Variants in TRIP11 observed in about 807,000 individuals in gnomAD.
TRIP11 encodes thyroid receptor-interacting protein 11.
Under a neutral mutation model 223.1 loss-of-function variants are expected in TRIP11, and 148 were observed. That is an observed-to-expected ratio of 0.66 (90% CI 0.58 to 0.76). The LOEUF (loss-of-function observed/expected upper bound fraction) is 0.76. Among genes scored for constraint, TRIP11 ranks in the 30% least tolerant of loss-of-function variants. The probability of loss-of-function intolerance (pLI) is 0.00; values close to 1 mark genes in which losing one functional copy is unlikely to be tolerated. For synonymous variants in TRIP11, 762 were observed against 772.6 expected, an observed-to-expected ratio of 0.99 and a Z score of 0.23; for missense variants, 2,043 against 2,222.0, an observed-to-expected ratio of 0.92 and a Z score of 1.62.
In TRIP11 at chr14:91,972,746, C is replaced by G; in HGVS notation, c.5690G>C (p.Arg1897Thr). The change falls in exon 20 of 21, where the codon AGA becomes ACA. Residue 1897 changes from arginine (R) to threonine (T), a missense_variant. Arg to Thr is a moderately conservative substitution (Grantham distance 71). Coordinates refer to ENST00000267622, the MANE Select transcript of TRIP11 (RefSeq NM_004239.4). ...AAAACTTTCTGGTGCATTTGTATCTCTTTTTCTTCTTCCTGGTGAATCCAG... is the reference window on the plus strand; with the variant it reads ...AAAACTTTCTGGTGCATTTGTATCTGTTTTTCTTCTTCCTGGTGAATCCAG... Reference protein sequence around the residue: ...KPLDSPGRRKRDTNAPESFKD... With the variant: ...KPLDSPGRRKTDTNAPESFKD... The G allele has an allele frequency of 6.2e-7, 1 of 1,611,958 alleles. No individual in the cohort carries two copies. The highest frequency in any genetic ancestry group is 1.3e-5 in the African/African-American group (1 of 74,998).
intron 9 of TRIP11, among the ~76,000 whole-genome samples, chr14:92,008,658 CATTGACAG>C (rs1463578917): frequency 6.6e-6 from 1 of 152,140 alleles, no homozygotes; most frequent in African/African-American, 2.4e-5. Flanking sequence ...AGCCTTCTTT[CATTGACAG>C]ATTTTTAAAA....
chr14:92,011,932 A>G, intron 7 of TRIP11, 137 bp from the exon 8 acceptor site: 1 of 707,986 alleles, frequency 1.4e-6, no homozygotes, highest in Non-Finnish European at 2.4e-6. Flanking sequence ...TGAGTGAAAC[A>G]TATATTTGTA....
At position 92,003,644 on chromosome 14, in the gene TRIP11, TAC is replaced by T; in HGVS notation, c.4330_4331del (p.Val1444AsnfsTer22). On this transcript the variant is annotated frameshift_variant, in exon 11 of 21. Coordinates refer to ENST00000267622, the MANE Select transcript of TRIP11 (RefSeq NM_004239.4). LOFTEE classifies it high-confidence loss of function. ...TTAATATTCTCTCCTTCAGGTTTGTTACTGCCTGCCTCAAAAGTTCGTTTTCA... is the reference window on the plus strand; with the variant it reads ...TTAATATTCTCTCCTTCAGGTTTGTTTGCCTGCCTCAAAAGTTCGTTTTCA... The part of the protein sequence containing the change: ...VNENELLRQA[V>X]TNLKERILIL... 1 of 1,614,218 alleles carries T rather than the reference TAC, an allele frequency of 6.2e-7. No homozygotes were observed. The highest frequency in any genetic ancestry group is 8.5e-7 in the Non-Finnish European group (1 of 1,180,036).
intron 13 of TRIP11, 27 bp downstream of exon 13, chr14:91,999,213 G>A: frequency 6.2e-7 from 1 of 1,608,682 alleles, no homozygotes; most frequent in Non-Finnish European, 8.5e-7. Context: ...TTCAGTTAAA[G>A]TTAATGCAAA....
Position 92,005,397 on chromosome 14 carries a change from T to C in TRIP11, c.2579A>G (p.Glu860Gly). ...TTCTTCTTGCAGATGATTATTTTCC[T>C]CTTTCATGGATCCAAGACTTCGGTC... ...EKDRSLGSMK[E>G]ENNHLQEELE... is the part of the protein sequence containing the mutation. The change falls in exon 11 of 21, where the codon GAG (glutamate) becomes GGG (glycine). Residue 860 changes from glutamate to glycine, a missense_variant. Coordinates refer to ENST00000267622, the MANE Select transcript of TRIP11 (RefSeq NM_004239.4). 1 of 1,614,196 alleles carries C rather than the reference T, an allele frequency of 6.2e-7. No individual in the cohort carries two copies. The highest frequency in any genetic ancestry group is 8.5e-7 in the Non-Finnish European group (1 of 1,180,038).
At chr14:91,999,186 C>G (rs751565284) in intron 13 of TRIP11, 54 bp downstream of exon 13, 18 of 1,567,964 alleles carry the variant, frequency 1.1e-5, no homozygotes, top group Non-Finnish European at 1.5e-5. Context: ...CTTACTGAGT[C>G]TGATATTTAA....
chr14:91,998,296 T>C (rs1339075461), intron 13 of TRIP11, among the ~76,000 whole-genome samples: 1 of 152,170 alleles, frequency 6.6e-6, no homozygotes, highest in Non-Finnish European at 1.5e-5. Context: ...AGAAGTTCCG[T>C]TTCTCAAAAC....
intron 15 of TRIP11, among the ~76,000 whole-genome samples, chr14:91,989,881 C>T (rs538310562): frequency 7.2e-5 from 11 of 152,230 alleles, no homozygotes; most frequent in Middle Eastern, 3.4e-3. Flanking sequence ...CCGCAGGTTC[C>T]GCCTATGCCT....
In TRIP11 at chr14:91,968,616, T is replaced by C. The variant is rs1291570466; in HGVS notation, c.*1057A>G. The C allele has an allele frequency of 1.4e-5, 3 of 221,146 alleles. No homozygotes were observed. Among genetic ancestry groups the C allele is most frequent in the African/African-American group, 2.2e-5 (1 of 44,572 alleles). 13.7% of individuals were successfully genotyped at this position (221,146 alleles called of 1,614,324 possible). ...TGTAACATTTAGTTTTAAGATGGTA[T>C]CTTTAAATAGATACCTTAGCTGTTA... On this transcript the variant is annotated 3_prime_UTR_variant, in exon 21 of 21. Coordinates refer to ENST00000267622, the MANE Select transcript of TRIP11 (RefSeq NM_004239.4).
intron 16 of TRIP11, among the ~76,000 whole-genome samples, chr14:91,987,178 C>T (rs892614552): frequency 6.6e-6 from 1 of 152,062 alleles, no homozygotes; most frequent in Non-Finnish European, 1.5e-5. Flanking sequence ...ATTTTCAGGC[C>T]CTCTACTAGA....
Position 92,017,883 on chromosome 14 carries a change from T to C in TRIP11, c.589-133A>G, listed in dbSNP as rs11849778. 0.25 allele frequency: 177,440 copies of C among 719,390 alleles called. 22,983 individuals carry two copies. Among genetic ancestry groups the C allele is most frequent in the East Asian group, 0.38 (13,888 of 36,518 alleles). 44.6% of individuals were successfully genotyped at this position (719,390 alleles called of 1,614,324 possible). A position where few individuals can be genotyped will look rare whatever the true frequency, so the allele number is the denominator to read the frequency against. ...CACAGATTCCGACTAAAGAATGCCA[T>C]GGACCTTTTAAAGAACCTAGTCTAA... On this transcript the variant is annotated intron_variant, in intron 4 of 20. Transcript: ENST00000267622.
chr14:91,993,913 C>T lies in TRIP11; in HGVS notation c.5057-1G>A. On this transcript the variant is annotated splice_acceptor_variant, in intron 14 of 20. Coordinates refer to ENST00000267622, the MANE Select transcript of TRIP11 (RefSeq NM_004239.4). LOFTEE classifies it high-confidence loss of function. ...TCAGCAGAATACATAGCTTTTTCCT[C>T]TAAAGAGAAAAGAAAGTTAACATTA... The T allele has an allele frequency of 1.2e-6, 2 of 1,609,612 alleles. No homozygotes were observed. Among genetic ancestry groups the T allele is most frequent in the Non-Finnish European group, 1.7e-6 (2 of 1,176,952 alleles).
Position 91,981,010 on chromosome 14 carries a change from A to AT in TRIP11, c.5261-4822dup, listed in dbSNP as rs1444189118. Among the ~76,000 whole-genome samples the AT allele has an allele frequency of 1.3e-3, 70 of 55,828 alleles. 2 individuals are homozygous for AT. The highest frequency in any genetic ancestry group is 3.5e-3 in the African/African-American group (52 of 14,770). The allele number at this position is 55,828 out of a possible 152,430, so 36.6% of individuals were successfully genotyped here. ...GTATATTATATATATATATATATAT[A>AT]TATTTTTTTTTTTTTTTTTTTTTTT... On this transcript the variant is annotated intron_variant, in intron 16 of 20. Coordinates refer to ENST00000267622, the MANE Select transcript of TRIP11 (RefSeq NM_004239.4).
chr14:91,971,891 TTTA>T (rs1410142952), intron 20 of TRIP11, among the ~76,000 whole-genome samples: 1 of 152,214 alleles, frequency 6.6e-6, no homozygotes, highest in East Asian at 1.9e-4. Context: ...ATATAAATTC[TTTA>T]TTATTTTATC....
chr14:92,003,958 C>T lies in TRIP11; in HGVS notation c.4018G>A (p.Glu1340Lys), dbSNP rs754076117. Residue 1340 changes from glutamate to lysine, a missense_variant, in exon 11 of 21, where the codon GAA becomes AAA. By Grantham distance (56) the Glu-to-Lys change is moderately conservative. Transcript: ENST00000267622. ...LRASKSEVLS[E>K]SSELLQQELE... ...TCTTGCTGAAGCAATTCAGAAGATT[C>T]ACTCAATACTTCAGACTTACTTGCT... The T allele has an allele frequency of 3.7e-6, 6 of 1,614,144 alleles. No individual in the cohort carries two copies. The Admixed American group carries it at 1.0e-4, about 27-fold the overall frequency.
rs2140084261 is a variant in TRIP11, at chr14:91,976,185, C to T, written c.5265G>A (p.Glu1755=). 1.9e-6 allele frequency: 3 copies of T among 1,611,704 alleles called. No individual in the cohort carries two copies. Among genetic ancestry groups the T allele is most frequent in the Non-Finnish European group, 2.5e-6 (3 of 1,179,610 alleles). Residue 1755 remains glutamate, a synonymous_variant, in exon 17 of 21, where the codon GAG becomes GAA. Transcript: ENST00000267622. The stretch of plus-strand genomic sequence containing the variant: ...CATCATCCAGCATTTCTTGTCGGAG[C>T]TCATCTGTTGTAAAATATGTGAATA... ...EQIEELKRQN[E]LRQEMLDDVQ...
At chr14:92,001,017 C>T (rs976701095) in intron 11 of TRIP11, among the ~76,000 whole-genome samples, 1 of 151,906 alleles carries the variant, frequency 6.6e-6, no homozygotes, top group Non-Finnish European at 1.5e-5. Context: ...TGCACCACCA[C>T]GTCTGGCTAA....
rs375980869 is a variant in TRIP11 at position 92,039,672 on chromosome 14, A to G, written c.14T>C (p.Leu5Pro). The G allele has an allele frequency of 6.2e-7, 1 of 1,612,438 alleles. No homozygotes were observed. The highest frequency in any genetic ancestry group is 1.1e-5 in the South Asian group (1 of 90,638). Reference protein sequence around the residue: MSSWLGGLGSGLGQS... With the variant: MSSWPGGLGSGLGQS... Reference sequence around the variant, plus strand: ...GCCCAATCCGGAGCCGAGGCCCCCAAGCCAGGACGACATCGCGGCGAGTTT... The same window carrying G: ...GCCCAATCCGGAGCCGAGGCCCCCAGGCCAGGACGACATCGCGGCGAGTTT... Residue 5 changes from leucine (L) to proline (P), a missense_variant, in exon 1 of 21, where the codon CTT (leucine) becomes CCT (proline). Leu to Pro is a moderately conservative substitution (Grantham distance 98). Coordinates refer to ENST00000267622, the MANE Select transcript of TRIP11 (RefSeq NM_004239.4).
chr14:91,986,692 C>G (rs2056607891), intron 16 of TRIP11, among the ~76,000 whole-genome samples: 1 of 152,216 alleles, frequency 6.6e-6, no homozygotes, highest in Non-Finnish European at 1.5e-5. Flanking sequence ...CACAACACTG[C>G]TGTTTCACCT....
Sources: allele counts gnomAD v4.1 joint callset (sites outside exome capture counted in the v4.1 genomes callset), GRCh38; gene constraint gnomAD v4.1.1; transcripts MANE v1.5; gene names NCBI Gene and HGNC (gene_info 2026-07-23, HGNC 2026-07-21).